The following MTMR3 variants were observed in gnomAD, a reference collection of about 807,000 sequenced individuals.
MTMR3 encodes myotubularin related protein 3, also known as phosphatidylinositol-3,5-bisphosphate 3-phosphatase MTMR3.
In MTMR3, 32 loss-of-function variants were observed where a neutral mutation model predicts 132.4. The ratio of observed to expected loss-of-function variants is 0.24; its 90% CI spans 0.18 to 0.32. The LOEUF (loss-of-function observed/expected upper bound fraction) is 0.32. Among genes scored for constraint, MTMR3 ranks in the 10% least tolerant of loss-of-function variants. The pLI is 1.00. For synonymous variants in MTMR3, 556 were observed against 550.3 expected (o/e 1.01, Z -0.14); for missense variants, 1,216 against 1,489.6 (o/e 0.82, Z 3.02).
intron 1 of MTMR3, among the ~76,000 whole-genome samples, chr22:29,955,918 AT>A: frequency 6.6e-6 from 1 of 151,972 alleles, no homozygotes; most frequent in Non-Finnish European, 1.5e-5. Context: ...CACCCAGCTA[AT>A]TTTTGTATTT....
Position 30,026,871 on chromosome 22 carries a change from CCTCTT to C in MTMR3, c.*1078_*1082del, listed in dbSNP as rs1299887428. 2.6e-5 allele frequency: 4 copies of C among 152,850 alleles called. No individual in the cohort carries two copies. Among genetic ancestry groups the C allele is most frequent in the East Asian group, 1.9e-4 (1 of 5,314 alleles). The allele number at this position is 152,850 out of a possible 1,614,324, so 9.5% of individuals were successfully genotyped here. ...CAGGTCCCATACAATCAGCCTTTCT[CCTCTT>C]CTCTTCTTGGGACAGGAATAACTGC... On this transcript the variant is annotated 3_prime_UTR_variant, in exon 20 of 20. Transcript: ENST00000401950.
At chr22:29,947,310 C>T (rs536945273) in intron 1 of MTMR3, among the ~76,000 whole-genome samples, 83 of 152,034 alleles carry the variant, frequency 5.5e-4, no homozygotes, top group African/African-American at 1.6e-3. Context: ...TTGTTGGCAA[C>T]TTGAGAATTC....
At position 30,022,673 on chromosome 22, in the gene MTMR3, T is replaced by C; in HGVS notation, c.3401T>C (p.Leu1134Pro). The C allele has an allele frequency of 6.2e-7, 1 of 1,610,484 alleles. No homozygotes were observed. Among genetic ancestry groups the C allele is most frequent in the Non-Finnish European group, 8.5e-7 (1 of 1,179,906 alleles). ...TATGCGTGCGACAGTGCCTTCTGGCTTGCCAGCAGGAAGCACCACTGCAGG... is the reference window on the plus strand; with the variant it reads ...TATGCGTGCGACAGTGCCTTCTGGCCTGCCAGCAGGAAGCACCACTGCAGG... ...HCYACDSAFW[L>P]ASRKHHCRNC... The change falls in exon 19 of 20, where the codon CTT becomes CCT. Residue 1134 changes from leucine to proline, a missense_variant. Physicochemically the swap from Leu to Pro is moderately conservative, Grantham distance 98. Coordinates refer to ENST00000401950, the MANE Select transcript of MTMR3 (RefSeq NM_021090.4).
At chr22:29,964,047 A>G (rs116565230) in intron 2 of MTMR3, among the ~76,000 whole-genome samples, 1,860 of 152,244 alleles carry the variant, frequency 0.012, 32 homozygotes, top group African/African-American at 0.042. Context: ...CTGCCAGGCT[A>G]TTTTTCAAAG....
intron 1 of MTMR3, among the ~76,000 whole-genome samples, chr22:29,951,763 G>GT (rs1401652923): frequency 6.6e-6 from 1 of 151,892 alleles, no homozygotes; most frequent in Non-Finnish European, 1.5e-5. Flanking sequence ...TCTGTACCTC[G>GT]TATGTAGTTA....
At chr22:30,005,838 T>A (rs1170733280) in intron 9 of MTMR3, 1 of 152,188 alleles carries the variant, frequency 6.6e-6, no homozygotes, top group Non-Finnish European at 1.5e-5. Context: ...AGATGTCCAA[T>A]GGATGAAGCC....
rs942707005 is a variant in MTMR3 at position 30,012,728 on chromosome 22, C to T, written c.1317+165C>T. The T allele has an allele frequency of 9.1e-6, 6 of 656,054 alleles. No individual in the cohort carries two copies. In the African/African-American group the frequency reaches 1.1e-4, roughly 12 times the overall value. 40.6% of individuals were successfully genotyped at this position (656,054 alleles called of 1,614,324 possible). A position where few individuals can be genotyped will look rare whatever the true frequency, so the allele number is the denominator to read the frequency against. On this transcript the variant is annotated intron_variant, in intron 13 of 19. Coordinates refer to ENST00000401950, the MANE Select transcript of MTMR3 (RefSeq NM_021090.4). ...AGCTAAATTGTGGTGGTTCCTCCCA[C>T]AGTTCTTGCACCTCTTAAAATGGGG...
chr22:29,955,214 G>C (rs2066164228), intron 1 of MTMR3, among the ~76,000 whole-genome samples: 1 of 152,168 alleles, frequency 6.6e-6, no homozygotes, highest in African/African-American at 2.4e-5. Flanking sequence ...TTGAGCTCCT[G>C]GCTCCAGTGA....
At chr22:29,936,316 A>T (rs759974835) in intron 1 of MTMR3, among the ~76,000 whole-genome samples, 1 of 152,156 alleles carries the variant, frequency 6.6e-6, no homozygotes, top group Non-Finnish European at 1.5e-5. Flanking sequence ...TCATTAATAA[A>T]CTGATCACAT....
chr22:29,991,810 A>G, intron 7 of MTMR3, 140 bp downstream of exon 7: 1 of 845,260 alleles, frequency 1.2e-6, no homozygotes, highest in Non-Finnish European at 1.7e-6. Context: ...AGTGCGCAGC[A>G]TTCTTTTAAG....
At chr22:29,886,078 A>G (rs1183858610) in intron 1 of MTMR3, among the ~76,000 whole-genome samples, 3 of 152,230 alleles carry the variant, frequency 2.0e-5, no homozygotes, top group African/African-American at 7.2e-5. Flanking sequence ...AGTTATCCGC[A>G]TATTCTGTGC....
At chr22:29,970,955 C>G in intron 2 of MTMR3, 21 bp from the exon 3 acceptor site, 1 of 770,490 alleles carries the variant, frequency 1.3e-6, no homozygotes, top group Non-Finnish European at 1.9e-6. Flanking sequence ...TCTTCTTCCC[C>G]CTCTTCCCCC....
intron 17 of MTMR3, chr22:30,021,227 A>G (rs767949576): frequency 1.1e-5 from 3 of 277,850 alleles, no homozygotes; most frequent in African/African-American, 4.3e-5. Context: ...GGCAATGCCA[A>G]GTTATTCCTG....
chr22:29,941,944 C>T (rs1413170905), intron 1 of MTMR3, among the ~76,000 whole-genome samples: 2 of 152,142 alleles, frequency 1.3e-5, no homozygotes, highest in Non-Finnish European at 2.9e-5. Context: ...GATTGTGCCA[C>T]TGCACCCCAG....
chr22:30,004,786 C>T (rs1003490864), intron 9 of MTMR3: 3 of 152,198 alleles, frequency 2.0e-5, no homozygotes, highest in Admixed American at 6.5e-5. Flanking sequence ...GATCCTCCAC[C>T]ATGCTCTGCT....
chr22:29,977,709 C>T (rs574124395), intron 3 of MTMR3, among the ~76,000 whole-genome samples: 3 of 152,284 alleles, frequency 2.0e-5, no homozygotes, highest in South Asian at 2.1e-4. Flanking sequence ...ACTTATGTCC[C>T]GCTTCTTCCT....
intron 3 of MTMR3, among the ~76,000 whole-genome samples, chr22:29,976,866 CT>C (rs771294643): frequency 3.7e-4 from 56 of 152,208 alleles, no homozygotes; most frequent in South Asian, 1.7e-3. Context: ...AGAAGAAAAA[CT>C]CTTTTTGGGG....
At chr22:29,913,069 A>T (rs1411356590) in intron 1 of MTMR3, among the ~76,000 whole-genome samples, 2 of 151,690 alleles carry the variant, frequency 1.3e-5, no homozygotes, top group African/African-American at 2.4e-5. Context: ...ACATTGCAAG[A>T]CCCCCTCTAC....
intron 1 of MTMR3, among the ~76,000 whole-genome samples, chr22:29,911,858 A>G (rs150798696): frequency 6.6e-4 from 100 of 152,312 alleles, no homozygotes; most frequent in African/African-American, 2.3e-3. Context: ...CCCATTATTT[A>G]TGCCTATACA....
Sources: gnomAD v4.1 joint callset for allele counts (sites outside exome capture counted in the v4.1 genomes callset) on GRCh38, gnomAD v4.1.1 for gene constraint, MANE v1.5 for transcripts, NCBI Gene and HGNC (gene_info 2026-07-23, HGNC 2026-07-21) for gene names.